The following PTPRK variants were observed in gnomAD, a reference collection of about 807,000 sequenced individuals.
PTPRK encodes protein tyrosine phosphatase receptor type K.
In PTPRK, 75 loss-of-function variants were observed where a neutral mutation model predicts 178.0. That is an observed-to-expected ratio of 0.42 (90% CI 0.35 to 0.51). The LOEUF (loss-of-function observed/expected upper bound fraction) is 0.51. Ranked by LOEUF, PTPRK falls within the 20% of genes least tolerant of loss-of-function variation. The pLI, the probability that PTPRK is intolerant of heterozygous loss-of-function variation, is 0.02. For synonymous variants in PTPRK, 637 were observed against 620.6 expected (o/e 1.03, Z -0.39); for missense variants, 1,441 against 1,797.8 (o/e 0.80, Z 3.59).
At chr6:128,264,322 T>A (rs1054259737) in intron 3 of PTPRK, among the ~76,000 whole-genome samples, 2 of 152,174 alleles carry the variant, frequency 1.3e-5, no homozygotes, top group African/African-American at 4.8e-5. Context: ...TGATATCAGA[T>A]ACACAGTAAT....
intron 3 of PTPRK, among the ~76,000 whole-genome samples, chr6:128,270,409 C>A (rs1298899832): frequency 6.6e-6 from 1 of 152,002 alleles, no homozygotes; most frequent in Non-Finnish European, 1.5e-5. Flanking sequence ...AAATTAGTGA[C>A]AAATAAAAAT....
chr6:128,271,385 G>T (rs1473117593), intron 3 of PTPRK, among the ~76,000 whole-genome samples: 2 of 152,072 alleles, frequency 1.3e-5, no homozygotes, highest in Non-Finnish European at 2.9e-5. Context: ...GTCCTCCTTG[G>T]TTCTTAAATC....
intron 3 of PTPRK, among the ~76,000 whole-genome samples, chr6:128,264,180 C>T (rs1192970087): frequency 6.6e-6 from 1 of 152,142 alleles, no homozygotes; most frequent in Non-Finnish European, 1.5e-5. Flanking sequence ...GCCTGCCTCC[C>T]TTATGTCTGT....
At chr6:128,158,808 A>T (rs1798295895) in intron 7 of PTPRK, among the ~76,000 whole-genome samples, 1 of 151,904 alleles carries the variant, frequency 6.6e-6, no homozygotes, top group Non-Finnish European at 1.5e-5. Context: ...TAATAGTTAT[A>T]GCTTTTTAAA....
chr6:128,343,794 A>G (rs753781779), intron 2 of PTPRK, among the ~76,000 whole-genome samples: 36 of 152,344 alleles, frequency 2.4e-4, no homozygotes, highest in Non-Finnish European at 4.1e-4. Context: ...TTGACAAAAT[A>G]TACAAAGCCA....
intron 7 of PTPRK, among the ~76,000 whole-genome samples, chr6:128,169,276 A>AT (rs1297511310): frequency 2.0e-5 from 3 of 152,090 alleles, no homozygotes; most frequent in African/African-American, 7.2e-5. Flanking sequence ...AACTATAGTA[A>AT]TTATTTCAGC....
intron 7 of PTPRK, among the ~76,000 whole-genome samples, chr6:128,136,576 G>A (rs1477247348): frequency 6.6e-6 from 1 of 152,132 alleles, no homozygotes; most frequent in African/African-American, 2.4e-5. Flanking sequence ...CTCATGTGAA[G>A]ACTTACTTAA....
chr6:128,092,575 T>C (rs1787172995), intron 7 of PTPRK, among the ~76,000 whole-genome samples: 1 of 152,204 alleles, frequency 6.6e-6, no homozygotes, highest in African/African-American at 2.4e-5. Flanking sequence ...TACATCTATA[T>C]GTGTGTATAT....
At chr6:128,509,201 G>A (rs952048920) in intron 1 of PTPRK, among the ~76,000 whole-genome samples, 3 of 152,190 alleles carry the variant, frequency 2.0e-5, no homozygotes, top group South Asian at 4.2e-4. Flanking sequence ...GGTTCCATAC[G>A]AGTTTCAGAC....
intron 3 of PTPRK, among the ~76,000 whole-genome samples, chr6:128,267,063 T>C (rs1819072658): frequency 6.6e-6 from 1 of 152,090 alleles, no homozygotes; most frequent in Admixed American, 6.6e-5. Flanking sequence ...TAATTCGATA[T>C]TTAAGTTTTT....
At chr6:128,238,204 A>AAAG in intron 5 of PTPRK, 1 of 396,464 alleles carries the variant, frequency 2.5e-6, no homozygotes, top group African/African-American at 2.3e-5. Context: ...AAAAAAAAAG[A>AAAG]AAAGAAAAAA....
At chr6:127,982,759 C>A in intron 24 of PTPRK, 72 bp downstream of exon 24, 1 of 1,393,514 alleles carries the variant, frequency 7.2e-7, no homozygotes. Context: ...GAAAGACCTT[C>A]CTTGAAAGGA....
intron 17 of PTPRK, 133 bp from the exon 18 acceptor site, chr6:127,995,671 T>C: frequency 1.8e-6 from 1 of 553,932 alleles, no homozygotes; most frequent in Non-Finnish European, 3.2e-6. Context: ...AATCAGTCCT[T>C]TGAAGAAATA....
At chr6:128,100,556 A>G (rs1199692135) in intron 7 of PTPRK, among the ~76,000 whole-genome samples, 1 of 152,000 alleles carries the variant, frequency 6.6e-6, no homozygotes, top group East Asian at 1.9e-4. Flanking sequence ...TTCCAGTGTC[A>G]AAATCTCACC....
intron 1 of PTPRK, among the ~76,000 whole-genome samples, chr6:128,492,951 T>C (rs924211682): frequency 5.3e-5 from 8 of 152,192 alleles, no homozygotes; most frequent in African/African-American, 1.9e-4. Context: ...CTCATTTTTG[T>C]GGCAACCCAT....
intron 7 of PTPRK, among the ~76,000 whole-genome samples, chr6:128,134,624 G>A (rs112791642): frequency 0.025 from 3,863 of 152,096 alleles, 74 homozygotes; most frequent in Middle Eastern, 0.095. Flanking sequence ...CAGCCTGGGC[G>A]ATGTGACAAA....
chr6:128,389,939 A>C (rs1839321814), intron 2 of PTPRK, among the ~76,000 whole-genome samples: 1 of 152,102 alleles, frequency 6.6e-6, no homozygotes, highest in Admixed American at 6.6e-5. Context: ...ACCAGCCTTC[A>C]TTAAGTGGCT....
intron 5 of PTPRK, among the ~76,000 whole-genome samples, chr6:128,238,355 A>C (rs1188102977): frequency 4.6e-5 from 7 of 152,054 alleles, no homozygotes; most frequent in East Asian, 1.9e-4. Context: ...AAGCAAACAA[A>C]AAAAAAAAAT....
chr6:128,442,893 CT>C (rs1846462204), intron 1 of PTPRK, among the ~76,000 whole-genome samples: 1 of 152,116 alleles, frequency 6.6e-6, no homozygotes, highest in South Asian at 2.1e-4. Flanking sequence ...AATCAGGAAA[CT>C]TAATGACTAA....
Sources: gnomAD v4.1 joint callset for allele counts (sites outside exome capture counted in the v4.1 genomes callset) on GRCh38, gnomAD v4.1.1 for gene constraint, MANE v1.5 for transcripts, NCBI Gene and HGNC (gene_info 2026-07-23, HGNC 2026-07-21) for gene names.